SPTLC2: variants seen among roughly 807,000 people sequenced by gnomAD.
The protein encoded by SPTLC2 is serine palmitoyltransferase long chain base subunit 2, also known as serine palmitoyltransferase 2.
SPTLC2 carries 21 observed loss-of-function variants against 62.0 expected under a neutral mutation model. The ratio of observed to expected loss-of-function variants is 0.34; its 90% CI spans 0.24 to 0.49. The LOEUF is 0.49. Among genes scored for constraint, SPTLC2 ranks in the 20% least tolerant of loss-of-function variants. SPTLC2 has a pLI of 0.99. For synonymous variants in SPTLC2, 261 were observed against 261.8 expected (o/e 1.00, Z 0.03); for missense variants, 511 against 713.0 (o/e 0.72, Z 3.23).
intron 4 of SPTLC2, among the ~76,000 whole-genome samples, chr14:77,571,796 TTTC>T (rs1310005240): frequency 1.3e-5 from 2 of 152,152 alleles, no homozygotes; most frequent in Non-Finnish European, 2.9e-5. Flanking sequence ...TTGAGCTTTT[TTTC>T]TTTTTTTGAG....
chr14:77,556,170 A>C (rs2079582327), intron 7 of SPTLC2, among the ~76,000 whole-genome samples: 1 of 152,114 alleles, frequency 6.6e-6, no homozygotes, highest in Non-Finnish European at 1.5e-5. Flanking sequence ...TAAAAATACA[A>C]AAATTAGCTG....
At chr14:77,613,445 A>G (rs1209405529) in intron 1 of SPTLC2, among the ~76,000 whole-genome samples, 1 of 152,226 alleles carries the variant, frequency 6.6e-6, no homozygotes, top group Admixed American at 6.5e-5. Context: ...AACTGTTACT[A>G]TTGTGAAAAC....
intron 5 of SPTLC2, among the ~76,000 whole-genome samples, chr14:77,564,288 AGG>A (rs2079631403): frequency 1.2e-5 from 1 of 81,200 alleles, no homozygotes; most frequent in Admixed American, 1.3e-4. Flanking sequence ...GAGGAGGAAA[AGG>A]AGGAAGAGGA....
chr14:77,512,297 T>C lies in SPTLC2; in HGVS notation c.1676A>G (p.Glu559Gly). 1 of 1,614,094 alleles carries C rather than the reference T, an allele frequency of 6.2e-7. No homozygotes were observed. ...CACCAAAAAGGCTCAGTCTTCTGTTTCTTCATACGTCGTCTCGTCAAAGGG... is the reference window on the plus strand; with the variant it reads ...CACCAAAAAGGCTCAGTCTTCTGTTCCTTCATACGTCGTCTCGTCAAAGGG... ...DRPFDETTYE[E>G]TED The change falls in exon 12 of 12, where the codon GAA becomes GGA. Residue 559 changes from glutamate to glycine, a missense_variant. Glu to Gly is a moderately conservative substitution (Grantham distance 98). Transcript: ENST00000216484.
intron 4 of SPTLC2, among the ~76,000 whole-genome samples, chr14:77,573,524 TAAA>T (rs2079696162): frequency 6.6e-6 from 1 of 151,432 alleles, no homozygotes; most frequent in African/African-American, 2.4e-5. Flanking sequence ...AATAAATAAA[TAAA>T]TAAATAAAAT....
At chr14:77,581,956 T>G (rs1338263188) in intron 2 of SPTLC2, among the ~76,000 whole-genome samples, 1 of 152,158 alleles carries the variant, frequency 6.6e-6, no homozygotes, top group Non-Finnish European at 1.5e-5. Context: ...AAAGTAGTCT[T>G]CAATCCTTTT....
intron 1 of SPTLC2, among the ~76,000 whole-genome samples, chr14:77,612,251 C>G (rs1023462803): frequency 1.3e-5 from 2 of 152,226 alleles, no homozygotes; most frequent in African/African-American, 4.8e-5. Context: ...AACCAATTAA[C>G]TGTCTTGCTC....
intron 9 of SPTLC2, among the ~76,000 whole-genome samples, chr14:77,526,037 T>C (rs1172087345): frequency 6.6e-6 from 1 of 152,238 alleles, no homozygotes; most frequent in African/African-American, 2.4e-5. Context: ...TGGTTTAACT[T>C]ACTAATTTCA....
At position 77,532,653 on chromosome 14, in the gene SPTLC2, A is replaced by G. The variant is rs372264542; in HGVS notation, c.1304-11072T>C. On this transcript the variant is annotated intron_variant, in intron 9 of 11. Coordinates refer to ENST00000216484, the MANE Select transcript of SPTLC2 (RefSeq NM_004863.4). ...CAAAAAATTAGCTGGGTGTGGTGGCAGGCGCCTGTAGTCCCAGCTACTCGG... is the reference window on the plus strand; with the variant it reads ...CAAAAAATTAGCTGGGTGTGGTGGCGGGCGCCTGTAGTCCCAGCTACTCGG... Among the ~76,000 whole-genome samples the G allele has an allele frequency of 1.3e-3, 200 of 152,040 alleles. 1 individual carries two copies. Among genetic ancestry groups the G allele is most frequent in the East Asian group, 4.9e-3 (25 of 5,154 alleles).
At chr14:77,565,835 T>C (rs2079641967) in intron 5 of SPTLC2, among the ~76,000 whole-genome samples, 1 of 152,230 alleles carries the variant, frequency 6.6e-6, no homozygotes, top group Non-Finnish European at 1.5e-5. Flanking sequence ...ACAGTTCCAC[T>C]GTTATGCAAG....
intron 7 of SPTLC2, among the ~76,000 whole-genome samples, chr14:77,555,926 T>G (rs74447960): frequency 0.016 from 2,473 of 152,248 alleles, 29 homozygotes; most frequent in Middle Eastern, 0.034. Flanking sequence ...GCTGAGTTTA[T>G]TGGGTTTTAA....
At chr14:77,571,977 C>CA (rs1396588340) in intron 4 of SPTLC2, among the ~76,000 whole-genome samples, 2 of 116 alleles carry the variant, frequency 0.017, no homozygotes, top group Non-Finnish European at 0.03. Context: ...TTAGTAGAGA[C>CA]AGGTTTCACC....
At chr14:77,557,937 C>G (rs1180151696) in intron 6 of SPTLC2, among the ~76,000 whole-genome samples, 1 of 152,034 alleles carries the variant, frequency 6.6e-6, no homozygotes, top group African/African-American at 2.4e-5. Flanking sequence ...CTACAGATTT[C>G]ATACTTAAAA....
intron 10 of SPTLC2, 145 bp from the exon 11 acceptor site, chr14:77,518,312 G>T: frequency 2.4e-6 from 3 of 1,239,798 alleles, no homozygotes; most frequent in Non-Finnish European, 3.4e-6. Flanking sequence ...TCCTTTTAAA[G>T]TTAAAATTGA....
intron 1 of SPTLC2, among the ~76,000 whole-genome samples, chr14:77,603,046 T>C (rs903604305): frequency 6.6e-6 from 1 of 152,190 alleles, no homozygotes; most frequent in African/African-American, 2.4e-5. Context: ...GAAGAAATGA[T>C]CCTGAATAAA....
chr14:77,559,045 T>A (rs896159718), intron 6 of SPTLC2, among the ~76,000 whole-genome samples: 1 of 152,060 alleles, frequency 6.6e-6, no homozygotes, highest in Non-Finnish European at 1.5e-5. Context: ...ATCAGCCAGG[T>A]GTGGTGGCTC....
At chr14:77,584,942 G>C (rs944690547) in intron 2 of SPTLC2, among the ~76,000 whole-genome samples, 1 of 152,234 alleles carries the variant, frequency 6.6e-6, no homozygotes, top group Non-Finnish European at 1.5e-5. Context: ...TTGCACCAGC[G>C]TAGGAGGCAA....
intron 9 of SPTLC2, among the ~76,000 whole-genome samples, chr14:77,528,403 G>A (rs370859799): frequency 6.6e-6 from 1 of 151,924 alleles, no homozygotes; most frequent in African/African-American, 2.4e-5. Context: ...GGCTAATTTC[G>A]TATTTTTAGT....
chr14:77,594,554 A>C (rs940200346), intron 2 of SPTLC2, among the ~76,000 whole-genome samples: 3 of 152,164 alleles, frequency 2.0e-5, no homozygotes, highest in African/African-American at 7.2e-5. Context: ...TGAGCACAGG[A>C]GTTTGAGACC....
Sources: allele counts gnomAD v4.1 joint callset (sites outside exome capture counted in the v4.1 genomes callset), GRCh38; gene constraint gnomAD v4.1.1; transcripts MANE v1.5; gene names NCBI Gene and HGNC (gene_info 2026-07-23, HGNC 2026-07-21).